PCDHGA1: variants seen among roughly 807,000 people sequenced by gnomAD.
The protein encoded by PCDHGA1 is protocadherin gamma-A1.
In PCDHGA1, 32 loss-of-function variants were observed where a neutral mutation model predicts 58.0. The ratio of observed to expected loss-of-function variants is 0.55; its 90% confidence interval spans 0.42 to 0.74. The LOEUF (loss-of-function observed/expected upper bound fraction) is 0.74, where lower values mean the gene tolerates loss of function less well. PCDHGA1 is among the 30% of genes least tolerant of loss of function. The probability of loss-of-function intolerance (pLI) is 0.00; values close to 1 mark genes in which losing one functional copy is unlikely to be tolerated. For synonymous variants in PCDHGA1, 498 were observed against 501.1 expected, an observed-to-expected ratio of 0.99 and a Z score of 0.08; for missense variants, 1,205 against 1,182.3, an observed-to-expected ratio of 1.02 and a Z score of -0.28.
intron 1 of PCDHGA1, among the ~76,000 whole-genome samples, chr5:141,448,287 C>G (rs1394399947): frequency 6.6e-6 from 1 of 152,130 alleles, no homozygotes; most frequent in Non-Finnish European, 1.5e-5. Flanking sequence ...GCAACTTGCT[C>G]TTTCCACTTA....
At chr5:141,468,783 G>T (rs908838744) in intron 1 of PCDHGA1, among the ~76,000 whole-genome samples, 5 of 151,346 alleles carry the variant, frequency 3.3e-5, no homozygotes, top group East Asian at 2.0e-4. Flanking sequence ...GGAGAATGGC[G>T]TGAACCCGGG....
At chr5:141,494,708 C>T (rs1481947557) in intron 1 of PCDHGA1, 99 bp from the exon 2 acceptor site, 2 of 1,599,566 alleles carry the variant, frequency 1.3e-6, no homozygotes, top group Non-Finnish European at 1.7e-6. Flanking sequence ...CTTCTCTGTG[C>T]CCACTCCCCT....
intron 1 of PCDHGA1, chr5:141,372,647 C>T (rs1768941423): frequency 1.9e-6 from 3 of 1,613,918 alleles, no homozygotes; most frequent in South Asian, 2.2e-5. Flanking sequence ...TGCCTTATTC[C>T]TACAATCCGT....
In PCDHGA1 at chr5:141,415,732, T is replaced by C. The variant is rs1159160519; in HGVS notation, c.2422-79075T>C. 4 of 1,411,138 alleles carry C rather than the reference T, an allele frequency of 2.8e-6. No individual in the cohort carries two copies. In the South Asian group the frequency reaches 5.0e-5, roughly 18 times the overall value. The allele number at this position is 1,411,138 out of a possible 1,614,324, so 87.4% of individuals were successfully genotyped here. ...AACACTGATGAGTAGAATTTGATGT[T>C]TATTAAGGTTTTTTTTTTTTTTTTT... On this transcript the variant is annotated intron_variant, in intron 1 of 3. Coordinates refer to ENST00000517417, the MANE Select transcript of PCDHGA1 (RefSeq NM_018912.3).
Position 141,330,902 on chromosome 5 carries a change from C to T in PCDHGA1, c.218C>T (p.Pro73Leu), listed in dbSNP as rs751174886. The change falls in exon 1 of 4, where the codon CCG (proline) becomes CTG (leucine). Residue 73 changes from proline to leucine, a missense_variant. Transcript: ENST00000517417. ...CGCATCGTCTCCAGAGGTAGGATGC[C>T]GCTTTTCGCTCTGAATCCTAGAAGT... Reference protein sequence around the residue: ...GVRIVSRGRMPLFALNPRSGS... With the variant: ...GVRIVSRGRMLLFALNPRSGS... 3.7e-6 allele frequency: 6 copies of T among 1,614,190 alleles called. No homozygotes were observed. The highest frequency in any genetic ancestry group is 5.1e-6 in the Non-Finnish European group (6 of 1,180,036).
chr5:141,423,816 T>C lies in PCDHGA1; in HGVS notation c.2422-70991T>C, dbSNP rs1205974775. ...TTAGAGCAATACATGTGAGTTTTACTTTGCCTTTCATGAGATTACGATAAT... is the reference window on the plus strand; with the variant it reads ...TTAGAGCAATACATGTGAGTTTTACCTTGCCTTTCATGAGATTACGATAAT... On this transcript the variant is annotated intron_variant, in intron 1 of 3. Transcript: ENST00000517417. 3 of 1,273,904 alleles carry C rather than the reference T, an allele frequency of 2.4e-6. No individual in the cohort carries two copies. The African/African-American group carries it at 4.7e-5, about 20-fold the overall frequency. 78.9% of individuals were successfully genotyped at this position (1,273,904 alleles called of 1,614,324 possible).
In PCDHGA1 at chr5:141,477,472, C is replaced by T. The variant is rs764533834; in HGVS notation, c.2422-17335C>T. 1 of 1,614,156 alleles carries T rather than the reference C, an allele frequency of 6.2e-7. No homozygotes were observed. Among genetic ancestry groups the T allele is most frequent in the South Asian group, 1.1e-5 (1 of 91,080 alleles). Reference sequence around the variant, plus strand: ...GTGTTCAAGTGTCCGACATCAATGACAACCCTCCACAATCTTCTCAATCTT... The same window carrying T: ...GTGTTCAAGTGTCCGACATCAATGATAACCCTCCACAATCTTCTCAATCTT... On this transcript the variant is annotated intron_variant, in intron 1 of 3. Transcript: ENST00000517417. This position sits in a 1 kb window ranked among gnomAD's most constrained non-coding sequence, Gnocchi z 4.9.
intron 1 of PCDHGA1, among the ~76,000 whole-genome samples, chr5:141,397,436 G>GT (rs1255719276): frequency 6.6e-6 from 1 of 152,172 alleles, no homozygotes; most frequent in Non-Finnish European, 1.5e-5. Flanking sequence ...TCCCTAATAT[G>GT]TGTAATATAA....
chr5:141,357,616 C>T, intron 1 of PCDHGA1: 1 of 1,613,818 alleles, frequency 6.2e-7, no homozygotes, highest in Non-Finnish European at 8.5e-7. Context: ...AGACCCTAAT[C>T]TTCAGGTGAG....
At chr5:141,389,433 G>C in intron 1 of PCDHGA1, 1 of 1,610,628 alleles carries the variant, frequency 6.2e-7, no homozygotes, top group Non-Finnish European at 8.5e-7. Context: ...CGCGCAGCGC[G>C]CCTTCGACCA....
intron 3 of PCDHGA1, among the ~76,000 whole-genome samples, chr5:141,506,454 A>G (rs2099853946): frequency 6.6e-6 from 1 of 151,844 alleles, no homozygotes; most frequent in African/African-American, 2.4e-5. Context: ...CAAAAAAAAA[A>G]AAAAAAAAAA....
chr5:141,361,600 T>C, intron 1 of PCDHGA1: 1 of 1,614,024 alleles, frequency 6.2e-7, no homozygotes, highest in Non-Finnish European at 8.5e-7. Context: ...CCAAGTTTCC[T>C]ACTCCATCGT....
chr5:141,395,101 C>G, intron 1 of PCDHGA1: 3 of 1,614,164 alleles, frequency 1.9e-6, no homozygotes, highest in East Asian at 2.2e-5. Context: ...ACCGCCGACT[C>G]GCGGAAGAGT....
At chr5:141,362,856 C>T (rs1331872357) in intron 1 of PCDHGA1, among the ~76,000 whole-genome samples, 2 of 152,238 alleles carry the variant, frequency 1.3e-5, no homozygotes, top group Non-Finnish European at 2.9e-5. Context: ...ATTAGTTTCA[C>T]CTTCAGGCTC....
intron 1 of PCDHGA1, among the ~76,000 whole-genome samples, chr5:141,461,415 T>C (rs2099015091): frequency 6.6e-6 from 1 of 152,152 alleles, no homozygotes; most frequent in Non-Finnish European, 1.5e-5. Flanking sequence ...TTTCATATGT[T>C]TGTGGGCCAT....
Position 141,511,381 on chromosome 5 carries a change from G to C in PCDHGA1, c.*208G>C. 8.5e-7 allele frequency: 1 copy of C among 1,170,380 alleles called. No individual in the cohort carries two copies. Among genetic ancestry groups the C allele is most frequent in the Non-Finnish European group, 1.2e-6 (1 of 854,768 alleles). 72.5% of individuals were successfully genotyped at this position (1,170,380 alleles called of 1,614,324 possible). On this transcript the variant is annotated 3_prime_UTR_variant, in exon 4 of 4. Coordinates refer to ENST00000517417, the MANE Select transcript of PCDHGA1 (RefSeq NM_018912.3). The stretch of plus-strand genomic sequence containing the variant: ...GGGTTGAATATGCAAAAGCAGTTCC[G>C]CTGGGAACCCCCATCCAATCAACTG...
At position 141,352,164 on chromosome 5, in the gene PCDHGA1, G is replaced by T. The variant is rs775400971; in HGVS notation, c.2421+19059G>T. ...GCCTTGGGCGACAGGGACGCGGCCC[G>T]CCAGCGCCTGCTGGTCGCTGTGCGT... On this transcript the variant is annotated intron_variant, in intron 1 of 3. Transcript: ENST00000517417. 19 of 1,613,058 alleles carry T rather than the reference G, an allele frequency of 1.2e-5. No homozygotes were observed. In the African/African-American group the frequency reaches 2.5e-4, roughly 22 times the overall value.
chr5:141,409,736 G>A (rs1053484390), intron 1 of PCDHGA1: 3 of 1,613,110 alleles, frequency 1.9e-6, no homozygotes, highest in Non-Finnish European at 2.5e-6. Flanking sequence ...CGCGCAGAGC[G>A]GGGTGGTGTT....
At chr5:141,394,290 G>C (rs759077173) in intron 1 of PCDHGA1, 5 of 1,613,918 alleles carry the variant, frequency 3.1e-6, no homozygotes, top group Admixed American at 1.7e-5. Context: ...CTCTGTGACC[G>C]AGGACACGCT....
Sources: allele counts gnomAD v4.1 joint callset (sites outside exome capture counted in the v4.1 genomes callset), GRCh38; gene constraint gnomAD v4.1.1; non-coding constraint Gnocchi (gnomAD v3.1); transcripts MANE v1.5; gene names NCBI Gene and HGNC (gene_info 2026-07-23, HGNC 2026-07-21).